COL19A1: variants seen among roughly 807,000 people sequenced by gnomAD.
The protein encoded by COL19A1 is collagen alpha-1(XIX) chain.
COL19A1 carries 159 observed loss-of-function variants against 190.2 expected under a neutral mutation model. The observed-to-expected ratio is 0.84, with a 90% CI of 0.73 to 0.95. The LOEUF (loss-of-function observed/expected upper bound fraction) is 0.95, where lower values mean the gene tolerates loss of function less well. COL19A1 is among the 40% of genes least tolerant of loss of function. The probability of loss-of-function intolerance (pLI) is 0.00; values close to 1 mark genes in which losing one functional copy is unlikely to be tolerated. For synonymous variants in COL19A1, 509 were observed against 458.9 expected (o/e 1.11, Z -1.39); for missense variants, 1,418 against 1,431.9 (o/e 0.99, Z 0.16).
At chr6:70,137,837 T>A in intron 19 of COL19A1, 90 bp downstream of exon 19, 1 of 1,250,462 alleles carries the variant, frequency 8.0e-7, no homozygotes, top group Non-Finnish European at 1.2e-6. Flanking sequence ...TCCACGTGCC[T>A]TGGTTGATCC....
chr6:70,126,333 C>G (rs181238746), intron 17 of COL19A1, among the ~76,000 whole-genome samples: 1 of 152,074 alleles, frequency 6.6e-6, no homozygotes, highest in African/African-American at 2.4e-5. Flanking sequence ...GTGTAGGCTC[C>G]CTTGGAGACA....
chr6:69,983,039 T>C (rs951396724), intron 11 of COL19A1, among the ~76,000 whole-genome samples: 2 of 151,156 alleles, frequency 1.3e-5, no homozygotes, highest in East Asian at 3.9e-4. Context: ...AAAATCAACA[T>C]GCCAATTTCC....
chr6:70,053,786 C>T lies in COL19A1; in HGVS notation c.1171-14637C>T, dbSNP rs116183268. On this transcript the variant is annotated intron_variant, in intron 14 of 50. Transcript: ENST00000620364. Reference sequence around the variant, plus strand: ...CAGCATATATTTTTCCATTTAACACCCACAAATTGTGAATAAATAAACAAT... The same window carrying T: ...CAGCATATATTTTTCCATTTAACACTCACAAATTGTGAATAAATAAACAAT... Among the ~76,000 whole-genome samples the T allele has an allele frequency of 9.9e-3, 1,503 of 152,040 alleles. 20 individuals are homozygous for T. The highest frequency in any genetic ancestry group is 0.034 in the African/African-American group (1,428 of 41,468).
chr6:69,933,211 C>G (rs530848152), intron 7 of COL19A1, among the ~76,000 whole-genome samples: 1 of 152,084 alleles, frequency 6.6e-6, no homozygotes, highest in Admixed American at 6.6e-5. Context: ...TTTTCCTTTT[C>G]TACCCTGTCA....
chr6:69,993,504 G>C (rs1049350449), intron 11 of COL19A1, among the ~76,000 whole-genome samples: 5 of 151,976 alleles, frequency 3.3e-5, no homozygotes, highest in Non-Finnish European at 7.4e-5. Flanking sequence ...CTCCACCTTA[G>C]TTTTTTGAAG....
chr6:70,126,733 C>G (rs986598155), intron 17 of COL19A1, among the ~76,000 whole-genome samples: 1 of 152,220 alleles, frequency 6.6e-6, no homozygotes, highest in Non-Finnish European at 1.5e-5. Flanking sequence ...TATCATCTCA[C>G]AGTTCTGGGG....
intron 10 of COL19A1, among the ~76,000 whole-genome samples, chr6:69,960,959 C>T: frequency 6.6e-6 from 1 of 152,144 alleles, no homozygotes; most frequent in Non-Finnish European, 1.5e-5. Flanking sequence ...TGGGAAGAAG[C>T]ATGGTTATCT....
In COL19A1 at chr6:69,983,589, G is replaced by A. The variant is rs114307115; in HGVS notation, c.1026+20719G>A. Among the ~76,000 whole-genome samples the A allele has an allele frequency of 2.8e-3, 431 of 152,154 alleles. 3 individuals are homozygous for A. The highest frequency in any genetic ancestry group is 9.6e-3 in the African/African-American group (399 of 41,538). On this transcript the variant is annotated intron_variant, in intron 11 of 50. Transcript: ENST00000620364. ...AATTCAATATTTTATCACTAAGTAT[G>A]CTGTAGGCTTTTGTAGAGACCCTTT...
intron 16 of COL19A1, 62 bp downstream of exon 16, chr6:70,102,284 C>G (rs781142211): frequency 8.1e-7 from 1 of 1,238,778 alleles, no homozygotes; most frequent in African/African-American, 1.5e-5. Flanking sequence ...GTGTGTTTAC[C>G]TAAGGATTAT....
intron 11 of COL19A1, among the ~76,000 whole-genome samples, chr6:69,980,688 A>G (rs1419029329): frequency 6.6e-6 from 1 of 152,236 alleles, no homozygotes; most frequent in Non-Finnish European, 1.5e-5. Flanking sequence ...AGACAACTCA[A>G]TATTTGAAAA....
chr6:69,993,928 G>T (rs959969667), intron 11 of COL19A1, among the ~76,000 whole-genome samples: 37 of 149,022 alleles, frequency 2.5e-4, no homozygotes, highest in African/African-American at 8.4e-4. Context: ...TCTTTTGTAT[G>T]TTTTTTTTTG....
At chr6:70,111,953 C>T (rs1341354390) in intron 16 of COL19A1, among the ~76,000 whole-genome samples, 2 of 152,180 alleles carry the variant, frequency 1.3e-5, no homozygotes, top group African/African-American at 2.4e-5. Context: ...GCTAGTGCCA[C>T]CAGCCTGGTT....
At chr6:70,204,938 T>C (rs1767768866) in intron 49 of COL19A1, among the ~76,000 whole-genome samples, 1 of 152,178 alleles carries the variant, frequency 6.6e-6, no homozygotes. Context: ...TGACCCTAAG[T>C]ATATACATTT....
chr6:70,060,959 A>G (rs1780794400), intron 14 of COL19A1, among the ~76,000 whole-genome samples: 1 of 152,132 alleles, frequency 6.6e-6, no homozygotes, highest in Non-Finnish European at 1.5e-5. Flanking sequence ...AATGACCTTT[A>G]CAAAACCAGA....
intron 12 of COL19A1, among the ~76,000 whole-genome samples, chr6:70,032,420 T>C (rs1414225177): frequency 3.3e-5 from 5 of 152,144 alleles, no homozygotes; most frequent in Non-Finnish European, 7.4e-5. Flanking sequence ...TGTTCTTTTC[T>C]GTATCTCTAA....
At chr6:70,196,682 C>T (rs1767219624) in intron 48 of COL19A1, among the ~76,000 whole-genome samples, 1 of 152,224 alleles carries the variant, frequency 6.6e-6, no homozygotes, top group South Asian at 2.1e-4. Context: ...AGAGTGACTG[C>T]TGTGGCTTTG....
intron 49 of COL19A1, among the ~76,000 whole-genome samples, chr6:70,202,468 A>G (rs997406061): frequency 1.3e-5 from 2 of 152,250 alleles, no homozygotes; most frequent in Non-Finnish European, 2.9e-5. Context: ...TTGACGATAT[A>G]TATCATCTTA....
intron 47 of COL19A1, among the ~76,000 whole-genome samples, chr6:70,189,140 T>A (rs1403885135): frequency 6.6e-6 from 1 of 152,210 alleles, no homozygotes; most frequent in Admixed American, 6.5e-5. Context: ...TATTGGATTT[T>A]TTTTATTTTT....
chr6:69,996,783 C>T (rs1776927944), intron 11 of COL19A1, among the ~76,000 whole-genome samples: 1 of 151,698 alleles, frequency 6.6e-6, no homozygotes, highest in Non-Finnish European at 1.5e-5. Flanking sequence ...TATTTAAAAC[C>T]TTTAAAAACT....
Sources: allele counts gnomAD v4.1 joint callset (sites outside exome capture counted in the v4.1 genomes callset), GRCh38; gene constraint gnomAD v4.1.1; transcripts MANE v1.5; gene names NCBI Gene and HGNC (gene_info 2026-07-23, HGNC 2026-07-21).